The following CTNNA2 variants were observed in gnomAD, a reference collection of about 807,000 sequenced individuals.
The protein encoded by CTNNA2 is catenin alpha-2.
Under a neutral mutation model 101.0 loss-of-function variants are expected in CTNNA2, and 42 were observed. The ratio of observed to expected loss-of-function variants is 0.42; its 90% confidence interval spans 0.32 to 0.54. The LOEUF (loss-of-function observed/expected upper bound fraction) is 0.54, where lower values mean the gene tolerates loss of function less well. Among genes scored for constraint, CTNNA2 ranks in the 20% least tolerant of loss-of-function variants. The probability of loss-of-function intolerance (pLI) is 0.14; values close to 1 mark genes in which losing one functional copy is unlikely to be tolerated. For missense variants in CTNNA2, 871 were observed against 1,223.1 expected, an observed-to-expected ratio of 0.71 and a Z score of 4.29; for synonymous variants, 450 against 456.4, an observed-to-expected ratio of 0.99 and a Z score of 0.18.
intron 7 of CTNNA2, among the ~76,000 whole-genome samples, chr2:80,082,959 A>G (rs1215525791): frequency 6.6e-6 from 1 of 152,134 alleles, no homozygotes; most frequent in Non-Finnish European, 1.5e-5. Context: ...TTGTATTACA[A>G]TTATTATTAG....
chr2:79,218,850 T>C (rs1423743043), intron 2 of CTNNA2, among the ~76,000 whole-genome samples: 3 of 152,210 alleles, frequency 2.0e-5, no homozygotes, highest in African/African-American at 4.8e-5. Flanking sequence ...CAAAAACTTA[T>C]ACTGTTTTTA....
At chr2:80,212,536 G>A (rs1209463134) in intron 7 of CTNNA2, among the ~76,000 whole-genome samples, 2 of 152,154 alleles carry the variant, frequency 1.3e-5, no homozygotes, top group Non-Finnish European at 2.9e-5. Context: ...ATTTGCATAT[G>A]TTGAACCAGC....
intron 1 of CTNNA2, among the ~76,000 whole-genome samples, chr2:79,553,403 TG>T (rs1419473721): frequency 6.6e-6 from 1 of 152,222 alleles, no homozygotes; most frequent in Non-Finnish European, 1.5e-5. Flanking sequence ...CTTCCACATT[TG>T]CAAGTATCTT....
At chr2:79,970,622 C>T (rs76692399) in intron 7 of CTNNA2, among the ~76,000 whole-genome samples, 5,081 of 152,124 alleles carry the variant, frequency 0.033, 231 homozygotes, top group South Asian at 0.097. Context: ...AGTATATTAG[C>T]ACCTTCCATT....
intron 4 of CTNNA2, among the ~76,000 whole-genome samples, chr2:79,482,879 G>A (rs1375558967): frequency 2.0e-5 from 3 of 152,128 alleles, no homozygotes; most frequent in African/African-American, 7.2e-5. Context: ...GGAGTGCATG[G>A]GCAATGCTGC....
chr2:80,453,500 G>A lies in CTNNA2; in HGVS notation c.1290+33899G>A, dbSNP rs995675244. On this transcript the variant is annotated intron_variant, in intron 9 of 18. Transcript: ENST00000402739. ...CTGCTGGCTTTAGCAACAGCTTCAT[G>A]GTTAGTGATTTCTCCATGTGTGTGA... 6.6e-5 allele frequency among the ~76,000 whole-genome samples: 10 copies of A among 152,070 alleles called. No homozygotes were observed. In the East Asian group the frequency reaches 1.9e-3, roughly 29 times the overall value.
intron 7 of CTNNA2, among the ~76,000 whole-genome samples, chr2:79,982,500 C>CACACAT (rs1047472935): frequency 2.0e-5 from 3 of 149,142 alleles, no homozygotes; most frequent in African/African-American, 2.5e-5. Context: ...CACACACACA[C>CACACAT]ATGCACGCAC....
chr2:80,028,231 T>C (rs1227373964), intron 7 of CTNNA2: 1 of 152,164 alleles, frequency 6.6e-6, no homozygotes, highest in Non-Finnish European at 1.5e-5. Flanking sequence ...TAGTCTTTTT[T>C]TCCTCCCTCT....
At chr2:80,229,819 A>G (rs7585787) in intron 7 of CTNNA2, among the ~76,000 whole-genome samples, 19,363 of 152,074 alleles carry the variant, frequency 0.13, 2,935 homozygotes, top group African/African-American at 0.36. Context: ...AAAGGGACTT[A>G]TTATAAACAG....
At chr2:80,154,214 G>A (rs1156702119) in intron 7 of CTNNA2, among the ~76,000 whole-genome samples, 1 of 152,102 alleles carries the variant, frequency 6.6e-6, no homozygotes, top group South Asian at 2.1e-4. Context: ...GAAGGCTCAT[G>A]GCTTTTTGGC....
chr2:80,156,818 A>C (rs1704019162), intron 7 of CTNNA2, among the ~76,000 whole-genome samples: 1 of 152,224 alleles, frequency 6.6e-6, no homozygotes, highest in Non-Finnish European at 1.5e-5. Context: ...CAGTTGGCAG[A>C]ACCATACTTA....
intron 3 of CTNNA2, among the ~76,000 whole-genome samples, chr2:79,317,289 A>G (rs1194400572): frequency 6.6e-6 from 1 of 151,996 alleles, no homozygotes; most frequent in Non-Finnish European, 1.5e-5. Context: ...TTCTTTTCAT[A>G]TGGTTAGATT....
intron 7 of CTNNA2, among the ~76,000 whole-genome samples, chr2:80,164,775 G>A (rs1704550803): frequency 6.6e-6 from 1 of 151,272 alleles, no homozygotes; most frequent in African/African-American, 2.4e-5. Context: ...TTCTTCAATA[G>A]AGCATGTAAT....
chr2:80,375,309 C>G (rs1166976893), intron 7 of CTNNA2, among the ~76,000 whole-genome samples: 1 of 151,996 alleles, frequency 6.6e-6, no homozygotes, highest in Non-Finnish European at 1.5e-5. Flanking sequence ...CTATGGAGCT[C>G]TCAGGATGAG....
chr2:80,018,625 C>CA (rs1006746946), intron 7 of CTNNA2, among the ~76,000 whole-genome samples: 7 of 151,834 alleles, frequency 4.6e-5, no homozygotes, highest in African/African-American at 9.7e-5. Context: ...ACAGAAAATA[C>CA]AAAAAATTAG....
At chr2:79,755,905 C>G (rs925405) in intron 3 of CTNNA2, among the ~76,000 whole-genome samples, 76,009 of 151,996 alleles carry the variant, frequency 0.5, 22,416 homozygotes, top group African/African-American at 0.81. Flanking sequence ...AAAGAAGTTC[C>G]ATGTGAAAAT....
intron 4 of CTNNA2, among the ~76,000 whole-genome samples, chr2:79,862,593 G>A (rs1681705499): frequency 6.6e-6 from 1 of 152,080 alleles, no homozygotes; most frequent in South Asian, 2.1e-4. Context: ...TTACCTTCAT[G>A]CAGCTGCATT....
chr2:79,267,596 T>C (rs1675002812), intron 2 of CTNNA2, among the ~76,000 whole-genome samples: 1 of 152,150 alleles, frequency 6.6e-6, no homozygotes, highest in Non-Finnish European at 1.5e-5. Context: ...AAGGTAGGCC[T>C]TCTCTCTTAC....
At chr2:79,796,719 G>A (rs529873282) in intron 3 of CTNNA2, among the ~76,000 whole-genome samples, 31 of 152,346 alleles carry the variant, frequency 2.0e-4, no homozygotes, top group African/African-American at 6.5e-4. Context: ...AAAAATGCAT[G>A]TAGCAGCATC....
Sources: allele counts gnomAD v4.1 joint callset (sites outside exome capture counted in the v4.1 genomes callset), GRCh38; gene constraint gnomAD v4.1.1; transcripts MANE v1.5; gene names NCBI Gene and HGNC (gene_info 2026-07-23, HGNC 2026-07-21).